MAP4: variants seen among roughly 807,000 people sequenced by gnomAD.
MAP4 encodes microtubule-associated protein 4.
MAP4 carries 76 observed loss-of-function variants against 170.2 expected under a neutral mutation model. The ratio of observed to expected loss-of-function variants is 0.45; its 90% confidence interval spans 0.37 to 0.54. The LOEUF (loss-of-function observed/expected upper bound fraction) is 0.54, where lower values mean the gene tolerates loss of function less well. Ranked by LOEUF, MAP4 falls within the 20% of genes least tolerant of loss-of-function variation. The pLI is 0.00. For synonymous variants in MAP4, 909 were observed against 994.5 expected (o/e 0.91, Z 1.62); for missense variants, 2,506 against 2,748.0 (o/e 0.91, Z 1.97).
intron 3 of MAP4, among the ~76,000 whole-genome samples, chr3:47,958,832 C>T (rs1487041075): frequency 6.6e-6 from 1 of 151,958 alleles, no homozygotes; most frequent in African/African-American, 2.4e-5. Flanking sequence ...TATAGGCGTG[C>T]ACCACCACAC....
intron 1 of MAP4, among the ~76,000 whole-genome samples, chr3:48,032,823 C>T (rs2100116877): frequency 1.3e-5 from 2 of 152,080 alleles, no homozygotes; most frequent in African/African-American, 4.8e-5. Flanking sequence ...ACTTACAAGT[C>T]TCTAATCACT....
upstream of MAP4, among the ~76,000 whole-genome samples, chr3:48,018,440 A>C (rs1233519226): frequency 2.0e-5 from 3 of 152,220 alleles, no homozygotes; most frequent in African/African-American, 7.2e-5. Context: ...CCAAAATTAC[A>C]AAAACTCTTC....
In MAP4 at chr3:47,916,040, T is replaced by G. The variant is rs1447306480; in HGVS notation, c.1787A>C (p.Gln596Pro). ...PVPIKDMEIA[Q>P]TQKGISEDSH... ...ATCCTCACTTATTCCTTTTTGTGTT[T>G]GTGCAATTTCCATGTCTTTAATTGG... Residue 596 changes from glutamine (Q) to proline (P), a missense_variant, in exon 7 of 21, where the codon CAA becomes CCA. By Grantham distance (76) the Gln-to-Pro change is moderately conservative. Around this residue, in one of 3 missense-constraint regions of MAP4, gnomAD observed 2,008 missense variants for 2,206.0 expected, o/e 0.91. Coordinates refer to ENST00000683076, the MANE Select transcript of MAP4 (RefSeq NM_001385682.1). 6.2e-6 allele frequency: 10 copies of G among 1,614,262 alleles called. No individual in the cohort carries two copies. Among genetic ancestry groups the G allele is most frequent in the Non-Finnish European group, 8.5e-6 (10 of 1,180,044 alleles).
At chr3:48,021,217 C>T (rs995280117), upstream of MAP4, among the ~76,000 whole-genome samples, 12 of 151,988 alleles carry the variant, frequency 7.9e-5, no homozygotes, top group East Asian at 1.9e-4. Flanking sequence ...ATCTGAGGCA[C>T]GGATTTTTGT....
rs889190896 is a variant in MAP4, at chr3:47,851,625, CTT to C, written c.*1307_*1308del. 2 of 152,352 alleles carry C rather than the reference CTT, an allele frequency of 1.3e-5. No individual in the cohort carries two copies. Among genetic ancestry groups the C allele is most frequent in the East Asian group, 1.9e-4 (1 of 5,194 alleles). 9.4% of individuals were successfully genotyped at this position (152,352 alleles called of 1,614,324 possible). A position where few individuals can be genotyped will look rare whatever the true frequency, so the allele number is the denominator to read the frequency against. On this transcript the variant is annotated 3_prime_UTR_variant, in exon 21 of 21. Transcript: ENST00000683076. ...CAAAAAATACAAGTGCAATAAGAAT[CTT>C]TGTGTCAATACAGTTCCCGGGATTT...
chr3:47,975,293 G>C, intron 3 of MAP4: 1 of 1,494,652 alleles, frequency 6.7e-7, no homozygotes, highest in Non-Finnish European at 9.0e-7. Context: ...GTTTGCTCAG[G>C]CATCAGCAGA....
chr3:47,988,554 G>C (rs1272212947), intron 2 of MAP4, among the ~76,000 whole-genome samples: 3 of 152,160 alleles, frequency 2.0e-5, no homozygotes, highest in African/African-American at 7.2e-5. Flanking sequence ...AGAAGTTTCA[G>C]AGAGTAGATG....
At position 47,891,796 on chromosome 3, in the gene MAP4, T is replaced by TGGG. The variant is rs150300402; in HGVS notation, c.5434+11151_5434+11153dup. On this transcript the variant is annotated intron_variant, in intron 10 of 20. Coordinates refer to ENST00000683076, the MANE Select transcript of MAP4 (RefSeq NM_001385682.1). ...CTGGGTGGGCTAGAGACACCAGGAGTGGGGACTCACACTTCAGCTGCTCAG... is the reference window on the plus strand; with the variant it reads ...CTGGGTGGGCTAGAGACACCAGGAGTGGGGGGGACTCACACTTCAGCTGCTCAG... The TGGG allele has an allele frequency of 8.2e-4, 1,254 of 1,536,044 alleles. 11 individuals are homozygous for TGGG. The African/African-American group carries it at 0.016, about 19-fold the overall frequency.
chr3:48,038,835 C>T (rs991552401), intron 1 of MAP4, among the ~76,000 whole-genome samples: 6 of 152,098 alleles, frequency 3.9e-5, no homozygotes, highest in Non-Finnish European at 8.8e-5. Flanking sequence ...AGGGCGATGG[C>T]TCATGCCTGT....
chr3:48,075,974 CAA>C (rs60556044), intron 1 of MAP4, among the ~76,000 whole-genome samples: 8 of 47,538 alleles, frequency 1.7e-4, no homozygotes, highest in Non-Finnish European at 1.7e-4. Flanking sequence ...AACTCCATCT[CAA>C]AAAAAAAAAA....
intron 1 of MAP4, among the ~76,000 whole-genome samples, chr3:48,033,557 G>T (rs998760627): frequency 5.3e-5 from 8 of 151,866 alleles, no homozygotes; most frequent in African/African-American, 1.7e-4. Flanking sequence ...AGTACATTAT[G>T]ATTTCTCTCC....
intron 1 of MAP4, among the ~76,000 whole-genome samples, chr3:48,010,933 A>T (rs1012366471): frequency 1.2e-4 from 18 of 152,140 alleles, no homozygotes; most frequent in Non-Finnish European, 2.5e-4. Context: ...CAGCTTGCAG[A>T]CAGCCTACTG....
chr3:47,875,735 C>G lies in MAP4; in HGVS notation c.5707G>C (p.Val1903Leu). 1 of 1,613,692 alleles carries G rather than the reference C, an allele frequency of 6.2e-7. No individual in the cohort carries two copies. Among genetic ancestry groups the G allele is most frequent in the Non-Finnish European group, 8.5e-7 (1 of 1,179,964 alleles). Residue 1903 changes from valine (V) to leucine (L), a missense_variant, in exon 12 of 21, where the codon GTC becomes CTC. Coordinates refer to ENST00000683076, the MANE Select transcript of MAP4 (RefSeq NM_001385682.1). ...AAGATGGAAGGCCTGGCAGAGGCGA[C>G]GGCAGGGCGTTTGGGTGGGGCAGCT... Reference protein sequence around the residue: ...VPAAPPKRPAVASARPSILPS... With the variant: ...VPAAPPKRPALASARPSILPS...
Position 48,024,959 on chromosome 3 carries a change from C to CTTT in MAP4, c.-19-26083_-19-26081dup, listed in dbSNP as rs112833339. Among the ~76,000 whole-genome samples, 370 of 145,710 alleles carry CTTT rather than the reference C, an allele frequency of 2.5e-3. 1 individual carries two copies. Among genetic ancestry groups the CTTT allele is most frequent in the African/African-American group, 8.9e-3 (352 of 39,530 alleles). On this transcript the variant is annotated intron_variant, in intron 1 of 18. Transcript: ENST00000360240. Reference sequence around the variant, plus strand: ...AAAGGCAGTGCAATCATTTCTTTTTCTTTTTTTTTTTGAAGCAGGGTCTCA... The same window carrying CTTT: ...AAAGGCAGTGCAATCATTTCTTTTTCTTTTTTTTTTTTTTGAAGCAGGGTCTCA...
rs772552080 is a variant in MAP4 at position 47,921,820 on chromosome 3, C to T, written c.474G>A (p.Ala158=). 2.1e-5 allele frequency: 34 copies of T among 1,612,144 alleles called. No individual in the cohort carries two copies. The highest frequency in any genetic ancestry group is 2.8e-5 in the Non-Finnish European group (33 of 1,178,240). The change falls in exon 5 of 21, where the codon GCG becomes GCA. Residue 158 remains alanine, a synonymous_variant. Coordinates refer to ENST00000683076, the MANE Select transcript of MAP4 (RefSeq NM_001385682.1). ...CTGCAAATATTGAAGTATCAGCTGT[C>T]GCACTGGAGGGAAAGACCAAATCTG... is the stretch of plus-strand genomic sequence containing the variant. The part of the protein sequence containing the change: ...DLADLVFPSS[A]TADTSIFAGQ...
chr3:47,949,466 A>AAG (rs1491362773), intron 3 of MAP4, among the ~76,000 whole-genome samples: 1 of 71,712 alleles, frequency 1.4e-5, no homozygotes, highest in East Asian at 3.8e-4. Context: ...ACTGCGTCCC[A>AAG]AAAAAAAAAA....
intron 1 of MAP4, among the ~76,000 whole-genome samples, chr3:48,055,349 C>G (rs1335577179): frequency 6.6e-6 from 1 of 152,180 alleles, no homozygotes; most frequent in Non-Finnish European, 1.5e-5. Context: ...CGAATGCCTG[C>G]GATTGCAGGC....
At chr3:47,986,223 C>T (rs1368749831) in intron 2 of MAP4, among the ~76,000 whole-genome samples, 1 of 151,984 alleles carries the variant, frequency 6.6e-6, no homozygotes, top group Non-Finnish European at 1.5e-5. Context: ...AAGCAATCCT[C>T]CTTCCTATTA....
At chr3:47,987,551 GC>G in intron 2 of MAP4, 1 of 583,478 alleles carries the variant, frequency 1.7e-6, no homozygotes, top group Non-Finnish European at 2.9e-6. Context: ...TCAACCTCCA[GC>G]CCAGAACCGT....
Sources: allele counts gnomAD v4.1 joint callset (sites outside exome capture counted in the v4.1 genomes callset), GRCh38; gene constraint gnomAD v4.1.1; regional missense constraint gnomAD v4.1.1; transcripts MANE v1.5; gene names NCBI Gene and HGNC (gene_info 2026-07-23, HGNC 2026-07-21).